The following ZNF407 variants were observed in gnomAD, a reference collection of about 807,000 sequenced individuals.
The protein encoded by ZNF407 is zinc finger protein 407.
A neutral mutation model predicts 131.2 loss-of-function variants in ZNF407; 17 were observed. The ratio of observed to expected loss-of-function variants is 0.13; its 90% CI spans 0.09 to 0.19. The LOEUF (loss-of-function observed/expected upper bound fraction) is 0.19. Among genes scored for constraint, ZNF407 ranks in the 10% least tolerant of loss-of-function variants. ZNF407 has a pLI of 1.00. For missense variants in ZNF407, 2,681 were observed against 2,830.6 expected (o/e 0.95, Z 1.20); for synonymous variants, 1,156 against 1,062.0 (o/e 1.09, Z -1.72).
chr18:74,604,052 C>G (rs925715702), intron 1 of ZNF407, among the ~76,000 whole-genome samples: 3 of 152,054 alleles, frequency 2.0e-5, no homozygotes, highest in Non-Finnish European at 4.4e-5. Flanking sequence ...ACCTACAGAG[C>G]TGTTGGCTAG....
chr18:74,874,496 G>T (rs1041850121), intron 4 of ZNF407, among the ~76,000 whole-genome samples: 2 of 152,162 alleles, frequency 1.3e-5, no homozygotes, highest in Admixed American at 6.5e-5. Flanking sequence ...CATCTCCTTG[G>T]GGGGTGGCAG....
chr18:74,804,495 G>C (rs1008438890), intron 4 of ZNF407: 3 of 987,416 alleles, frequency 3.0e-6, no homozygotes, highest in African/African-American at 3.5e-5. Context: ...GTACCCTTTT[G>C]GGAAAATTTC....
Position 74,634,099 on chromosome 18 carries a change from A to G in ZNF407, c.3080A>G (p.His1027Arg). ...NKCLHCEFSA[H>R]SSASLELHVK... is the part of the protein sequence containing the mutation. ...TGTTTGCACTGTGAGTTTAGTGCTC[A>G]CTCCTCTGCTTCTCTAGAGCTGCAT... The change falls in exon 2 of 9, where the codon CAC (histidine) becomes CGC (arginine). Residue 1027 changes from histidine (H) to arginine (R), a missense_variant. By Grantham distance (29) the His-to-Arg change is conservative (BLOSUM62 0). Coordinates refer to ENST00000299687, the MANE Select transcript of ZNF407 (RefSeq NM_017757.3). 2.5e-6 allele frequency: 4 copies of G among 1,613,998 alleles called. No homozygotes were observed. The highest frequency in any genetic ancestry group is 1.7e-5 in the Admixed American group (1 of 60,012).
intron 4 of ZNF407, among the ~76,000 whole-genome samples, chr18:74,860,497 T>TATC (rs1443860266): frequency 1.5e-4 from 22 of 148,600 alleles, no homozygotes; most frequent in African/African-American, 5.3e-4. Context: ...TTATTATTAT[T>TATC]ATTATTATTA....
chr18:74,728,126 G>C (rs1968203865), intron 3 of ZNF407, among the ~76,000 whole-genome samples: 1 of 152,158 alleles, frequency 6.6e-6, no homozygotes, highest in Non-Finnish European at 1.5e-5. Context: ...AAAACTGCAG[G>C]ATTTGGCCAT....
intron 8 of ZNF407, among the ~76,000 whole-genome samples, chr18:75,042,904 G>T (rs1464376320): frequency 1.3e-5 from 2 of 152,146 alleles, no homozygotes; most frequent in Non-Finnish European, 2.9e-5. Flanking sequence ...ACCAAGTCCT[G>T]TTCCGTCGCA....
chr18:74,854,656 T>G (rs1404410755), intron 4 of ZNF407, among the ~76,000 whole-genome samples: 4 of 152,140 alleles, frequency 2.6e-5, no homozygotes, highest in Non-Finnish European at 5.9e-5. Context: ...CAATTCCTTT[T>G]TTTAATAATC....
At chr18:74,862,862 A>C (rs975309157) in intron 4 of ZNF407, among the ~76,000 whole-genome samples, 2 of 152,130 alleles carry the variant, frequency 1.3e-5, no homozygotes, top group Non-Finnish European at 2.9e-5. Context: ...TATAGTAATT[A>C]AAATGTGTTA....
At chr18:74,673,047 T>C (rs760692459) in intron 3 of ZNF407, among the ~76,000 whole-genome samples, 1 of 152,206 alleles carries the variant, frequency 6.6e-6, no homozygotes, top group Non-Finnish European at 1.5e-5. Flanking sequence ...TGCTGGGTAT[T>C]ACAATGGCTG....
At position 75,064,090 on chromosome 18, in the gene ZNF407, C is replaced by T. The variant is rs766472456; in HGVS notation, c.6369C>T (p.Ile2123=). The T allele has an allele frequency of 6.3e-7, 1 of 1,590,896 alleles. No individual in the cohort carries two copies. The highest frequency in any genetic ancestry group is 8.6e-7 in the Non-Finnish European group (1 of 1,169,382). The change falls in exon 9 of 9, where the codon ATC becomes ATT. Residue 2123 remains isoleucine (I), a synonymous_variant. Transcript: ENST00000299687. ...VHMVAGEGAQ[I]IMQEAQGEHM... ...TGGTCGCCGGGGAGGGTGCCCAGAT[C>T]ATCATGCAGGAGGCGCAGGGCGAGC...
In ZNF407 at chr18:74,632,475, G is replaced by A. The variant is rs902411483; in HGVS notation, c.1456G>A (p.Val486Met). The part of the protein sequence containing the change: ...VLKHLEACSS[V>M]QRVCVTTSET... ...GAAACACCTGGAAGCGTGCAGCAGT[G>A]TGCAGAGAGTGTGTGTGACTACCTC... is the stretch of plus-strand genomic sequence containing the variant. Residue 486 changes from valine to methionine, a missense_variant, in exon 2 of 9, where the codon GTG (valine) becomes ATG (methionine). Val to Met is a conservative substitution (Grantham distance 21). Transcript: ENST00000299687. 2.4e-5 allele frequency: 38 copies of A among 1,613,934 alleles called. No individual in the cohort carries two copies. Among genetic ancestry groups the A allele is most frequent in the Non-Finnish European group, 3.1e-5 (36 of 1,179,918 alleles).
At chr18:74,669,938 T>G (rs1341098932) in intron 3 of ZNF407, among the ~76,000 whole-genome samples, 3 of 152,270 alleles carry the variant, frequency 2.0e-5, no homozygotes, top group Non-Finnish European at 4.4e-5. Flanking sequence ...AGACTCCCTG[T>G]CCTTTTTCCT....
At chr18:74,730,166 G>A (rs1411952219) in intron 3 of ZNF407, among the ~76,000 whole-genome samples, 2 of 152,164 alleles carry the variant, frequency 1.3e-5, no homozygotes, top group African/African-American at 4.8e-5. Flanking sequence ...AGGAAATTGT[G>A]CATGGAAATT....
intron 7 of ZNF407, among the ~76,000 whole-genome samples, chr18:74,893,102 T>C (rs1055287341): frequency 6.6e-6 from 1 of 152,216 alleles, no homozygotes. Context: ...TCAAGTTATC[T>C]CCCTGAAATA....
At chr18:74,846,269 G>A (rs1174265855) in intron 4 of ZNF407, among the ~76,000 whole-genome samples, 1 of 151,864 alleles carries the variant, frequency 6.6e-6, no homozygotes, top group African/African-American at 2.4e-5. Context: ...AGTAGCATCA[G>A]TTCATATACA....
chr18:75,024,011 A>C (rs1262716323), intron 8 of ZNF407, among the ~76,000 whole-genome samples: 1 of 152,200 alleles, frequency 6.6e-6, no homozygotes, highest in Non-Finnish European at 1.5e-5. Flanking sequence ...GGTTTGAGGA[A>C]GAAAACAAGA....
intron 4 of ZNF407, among the ~76,000 whole-genome samples, chr18:74,819,840 C>T (rs750170306): frequency 6.6e-6 from 1 of 152,212 alleles, no homozygotes; most frequent in Non-Finnish European, 1.5e-5. Flanking sequence ...TCACCCCTTA[C>T]AGGACCTTAG....
chr18:74,985,725 A>G (rs115717881), intron 8 of ZNF407, among the ~76,000 whole-genome samples: 1,632 of 152,192 alleles, frequency 0.011, 31 homozygotes, highest in African/African-American at 0.037. Flanking sequence ...GTGGGGCCCA[A>G]CTCTGCCTGT....
At chr18:75,012,185 G>C (rs1972982049) in intron 8 of ZNF407, among the ~76,000 whole-genome samples, 1 of 152,102 alleles carries the variant, frequency 6.6e-6, no homozygotes, top group South Asian at 2.1e-4. Flanking sequence ...TTGGGCACCT[G>C]TGCTGAAATC....
Sources: gnomAD v4.1 joint callset for allele counts (sites outside exome capture counted in the v4.1 genomes callset) on GRCh38, gnomAD v4.1.1 for gene constraint, MANE v1.5 for transcripts, NCBI Gene and HGNC (gene_info 2026-07-23, HGNC 2026-07-21) for gene names.